Variants in DLGAP2 observed in about 807,000 individuals in gnomAD.
The protein encoded by DLGAP2 is disks large-associated protein 2.
Under a neutral mutation model 100.3 loss-of-function variants are expected in DLGAP2, and 26 were observed. That is an observed-to-expected ratio of 0.26 (90% CI 0.19 to 0.36). The LOEUF is 0.36. Ranked by LOEUF, DLGAP2 falls within the 10% of genes least tolerant of loss-of-function variation. The pLI is 1.00. For missense variants in DLGAP2, 1,858 were observed against 1,453.2 expected (o/e 1.28, Z -4.53); for synonymous variants, 886 against 630.1 (o/e 1.41, Z -6.08).
At chr8:834,938 A>G (rs1296249957) in intron 1 of DLGAP2, among the ~76,000 whole-genome samples, 2 of 152,172 alleles carry the variant, frequency 1.3e-5, no homozygotes, top group African/African-American at 4.8e-5. Context: ...AGGCTGTCAC[A>G]TTGTGTCATG....
chr8:1,512,734 A>G (rs2130378318), intron 4 of DLGAP2, among the ~76,000 whole-genome samples: 1 of 152,368 alleles, frequency 6.6e-6, no homozygotes, highest in South Asian at 2.1e-4. Flanking sequence ...CATGGAGTAG[A>G]GATCTCAGAC....
intron 14 of DLGAP2, among the ~76,000 whole-genome samples, chr8:1,697,747 G>A (rs34082678): frequency 0.011 from 1,703 of 152,284 alleles, 16 homozygotes; most frequent in Non-Finnish European, 0.018. Flanking sequence ...TTCTAGTATG[G>A]CCACTATAGG....
chr8:754,635 A>G (rs879091463), intron 1 of DLGAP2, among the ~76,000 whole-genome samples: 1 of 152,164 alleles, frequency 6.6e-6, no homozygotes, highest in South Asian at 2.1e-4. Context: ...GGGAAGATTG[A>G]GGTCAGGAGT....
chr8:873,871 G>C (rs1265097590), intron 1 of DLGAP2, among the ~76,000 whole-genome samples: 1 of 152,120 alleles, frequency 6.6e-6, no homozygotes, highest in Non-Finnish European at 1.5e-5. Flanking sequence ...TGGGAGGACA[G>C]TTTTTTGATT....
intron 2 of DLGAP2, among the ~76,000 whole-genome samples, chr8:1,124,993 A>C (rs1161481661): frequency 6.6e-6 from 1 of 152,132 alleles, no homozygotes. Context: ...ACACGGAGGA[A>C]GCATCGTCTC....
In DLGAP2 at chr8:1,678,114, G is replaced by T. The variant is rs184399874; in HGVS notation, c.2289-100G>T. The T allele has an allele frequency of 1.8e-5, 25 of 1,381,402 alleles. No individual in the cohort carries two copies. In the Admixed American group the frequency reaches 5.2e-4, roughly 29 times the overall value. The allele number at this position is 1,381,402 out of a possible 1,614,324, so 85.6% of individuals were successfully genotyped here. ...CTACCTGCCCTTGAGCCGCCAGGCTGTTGAGCTCAGGTGCGCTCCTGACAG... is the reference window on the plus strand; with the variant it reads ...CTACCTGCCCTTGAGCCGCCAGGCTTTTGAGCTCAGGTGCGCTCCTGACAG... On this transcript the variant is annotated intron_variant, in intron 11 of 14. Coordinates refer to ENST00000637795, the MANE Select transcript of DLGAP2 (RefSeq NM_001346810.2).
At chr8:1,193,899 C>T (rs1235608363) in intron 2 of DLGAP2, among the ~76,000 whole-genome samples, 1 of 152,168 alleles carries the variant, frequency 6.6e-6, no homozygotes, top group Admixed American at 6.5e-5. Context: ...CTCCTGTCCC[C>T]AGCCAGGAGG....
At chr8:1,587,985 C>T (rs1796176184) in intron 6 of DLGAP2, among the ~76,000 whole-genome samples, 1 of 152,182 alleles carries the variant, frequency 6.6e-6, no homozygotes, top group Non-Finnish European at 1.5e-5. Flanking sequence ...GTGACACGTG[C>T]ATTCCTGCCC....
At chr8:1,637,094 C>T (rs1180590711) in intron 8 of DLGAP2, among the ~76,000 whole-genome samples, 3 of 152,202 alleles carry the variant, frequency 2.0e-5, no homozygotes, top group African/African-American at 7.2e-5. Flanking sequence ...TCTCTGCAGA[C>T]GTGCTTGCTC....
chr8:1,565,045 T>G lies in DLGAP2; in HGVS notation c.1231-638T>G, dbSNP rs187503372. 5.2e-3 allele frequency among the ~76,000 whole-genome samples: 789 copies of G among 151,870 alleles called. 8 individuals are homozygous for G. Among genetic ancestry groups the G allele is most frequent in the African/African-American group, 0.018 (746 of 41,130 alleles). The stretch of plus-strand genomic sequence containing the variant: ...GAGGCAGACGTATAACACGCACAGG[T>G]GATCAGCTCTGTACCACCCAGATAT... On this transcript the variant is annotated intron_variant, in intron 5 of 14. Transcript: ENST00000637795.
intron 2 of DLGAP2, among the ~76,000 whole-genome samples, chr8:1,236,476 A>T (rs368275273): frequency 2.3e-4 from 6 of 25,844 alleles, no homozygotes; most frequent in South Asian, 1.0e-3. Context: ...ACATAGCGTC[A>T]TGTCTAGTTC....
intron 3 of DLGAP2, among the ~76,000 whole-genome samples, chr8:1,386,466 C>T (rs1796222984): frequency 6.6e-6 from 1 of 152,158 alleles, no homozygotes; most frequent in African/African-American, 2.4e-5. Flanking sequence ...GCAGGGACAG[C>T]TGGGAGAACC....
At chr8:1,576,719 G>A (rs1449360699) in intron 6 of DLGAP2, among the ~76,000 whole-genome samples, 1 of 152,132 alleles carries the variant, frequency 6.6e-6, no homozygotes, top group Non-Finnish European at 1.5e-5. Flanking sequence ...TATTAAATAG[G>A]GAGTCCTTTC....
chr8:1,185,869 C>G (rs1797492652), intron 2 of DLGAP2, among the ~76,000 whole-genome samples: 1 of 152,180 alleles, frequency 6.6e-6, no homozygotes, highest in Non-Finnish European at 1.5e-5. Flanking sequence ...TGACGCCCAA[C>G]TTGCCCCACA....
chr8:1,421,637 A>G (rs951069701), intron 3 of DLGAP2, among the ~76,000 whole-genome samples: 2 of 152,230 alleles, frequency 1.3e-5, no homozygotes, highest in Non-Finnish European at 2.9e-5. Flanking sequence ...GAGATTAGTG[A>G]TGATCAAGAA....
intron 1 of DLGAP2, among the ~76,000 whole-genome samples, chr8:816,275 GT>G (rs60526250): frequency 0.26 from 37,892 of 144,926 alleles, 5,293 homozygotes; most frequent in African/African-American, 0.38. Flanking sequence ...AATACCTTGG[GT>G]TTTTTTTTTT....
chr8:1,341,743 G>T (rs1249443072), intron 3 of DLGAP2, among the ~76,000 whole-genome samples: 1 of 152,180 alleles, frequency 6.6e-6, no homozygotes, highest in Non-Finnish European at 1.5e-5. Context: ...CACGTTAGCA[G>T]GGTGTGCTAG....
At chr8:884,675 C>G (rs1017837930) in intron 1 of DLGAP2, among the ~76,000 whole-genome samples, 1 of 152,166 alleles carries the variant, frequency 6.6e-6, no homozygotes, top group African/African-American at 2.4e-5. Flanking sequence ...ATTGCCACTG[C>G]TTTTGGCATT....
intron 1 of DLGAP2, among the ~76,000 whole-genome samples, chr8:744,560 C>T (rs1015955712): frequency 6.6e-6 from 1 of 151,488 alleles, no homozygotes; most frequent in Admixed American, 6.6e-5. Flanking sequence ...CCGGCCACGT[C>T]GCCCTCCCGG....
Sources: allele counts gnomAD v4.1 joint callset (sites outside exome capture counted in the v4.1 genomes callset), GRCh38; gene constraint gnomAD v4.1.1; transcripts MANE v1.5; gene names NCBI Gene and HGNC (gene_info 2026-07-23, HGNC 2026-07-21).